FAT3: variants seen among roughly 807,000 people sequenced by gnomAD.
FAT3 encodes protocadherin Fat 3.
A neutral mutation model predicts 310.2 loss-of-function variants in FAT3; 95 were observed. The observed-to-expected ratio is 0.31, with a 90% CI of 0.26 to 0.36. The LOEUF is 0.36. Among genes scored for constraint, FAT3 ranks in the 10% least tolerant of loss-of-function variants. The pLI is 1.00. For missense variants in FAT3, 5,408 were observed against 5,715.6 expected (o/e 0.95, Z 1.74); for synonymous variants, 2,314 against 2,192.9 (o/e 1.06, Z -1.54).
intron 1 of FAT3, among the ~76,000 whole-genome samples, chr11:92,305,858 G>A (rs1947103955): frequency 6.6e-6 from 1 of 152,134 alleles, no homozygotes; most frequent in Admixed American, 6.6e-5. Context: ...GTGAGTTCCT[G>A]AATTGAATTC....
intron 2 of FAT3, among the ~76,000 whole-genome samples, chr11:92,487,218 C>G (rs1055341757): frequency 6.6e-5 from 10 of 152,094 alleles, no homozygotes; most frequent in Middle Eastern, 6.8e-3. Context: ...GGAGGGTAAT[C>G]CATGCCTTCC....
At chr11:92,270,253 G>C (rs1309985277) in intron 1 of FAT3, among the ~76,000 whole-genome samples, 1 of 151,956 alleles carries the variant, frequency 6.6e-6, no homozygotes, top group Non-Finnish European at 1.5e-5. Flanking sequence ...TTCTTTCTCA[G>C]TCTCCTTTAT....
intron 1 of FAT3, among the ~76,000 whole-genome samples, chr11:92,351,602 A>G (rs1451352462): frequency 6.6e-6 from 1 of 152,072 alleles, no homozygotes; most frequent in East Asian, 1.9e-4. Flanking sequence ...ACTGCATAAT[A>G]TTTTATTTTA....
chr11:92,376,880 C>T (rs1244932183), intron 2 of FAT3, among the ~76,000 whole-genome samples: 1 of 152,132 alleles, frequency 6.6e-6, no homozygotes, highest in Non-Finnish European at 1.5e-5. Flanking sequence ...TGCTGAATTT[C>T]CATGAGTAAG....
intron 2 of FAT3, among the ~76,000 whole-genome samples, chr11:92,384,188 G>A (rs1949566528): frequency 6.6e-6 from 1 of 152,100 alleles, no homozygotes; most frequent in African/African-American, 2.4e-5. Flanking sequence ...TGGGAGCAGT[G>A]CAGAGAGGGG....
At chr11:92,836,732 C>A in intron 16 of FAT3, 29 bp downstream of exon 16, 1 of 1,600,210 alleles carries the variant, frequency 6.2e-7, no homozygotes, top group Non-Finnish European at 8.5e-7. Context: ...GTTTCCTTCC[C>A]ATCCACATCC....
intron 2 of FAT3, among the ~76,000 whole-genome samples, chr11:92,488,504 A>T (rs1400361764): frequency 9.7e-6 from 1 of 103,288 alleles, no homozygotes; most frequent in African/African-American, 3.8e-5. Flanking sequence ...TAGACCTGGC[A>T]CAATAATTTG....
At chr11:92,576,165 A>G (rs954555843) in intron 3 of FAT3, among the ~76,000 whole-genome samples, 2 of 152,162 alleles carry the variant, frequency 1.3e-5, no homozygotes, top group Non-Finnish European at 2.9e-5. Flanking sequence ...ATAAAGGCTA[A>G]ACCCGAAGCA....
At chr11:92,255,341 TAAAAA>T (rs201587803) in intron 1 of FAT3, among the ~76,000 whole-genome samples, 4 of 144,432 alleles carry the variant, frequency 2.8e-5, no homozygotes, top group South Asian at 2.2e-4. Context: ...GGTTTTTTTT[TAAAAA>T]AAAAAAAAAG....
At chr11:92,553,673 G>C (rs1790302) in intron 3 of FAT3, among the ~76,000 whole-genome samples, 85 of 17,216 alleles carry the variant, frequency 4.9e-3, no homozygotes, top group South Asian at 0.014. Context: ...TAGAATCTCC[G>C]TCCCTTCCTT....
intron 3 of FAT3, among the ~76,000 whole-genome samples, chr11:92,547,579 G>A (rs917946764): frequency 6.6e-6 from 1 of 152,116 alleles, no homozygotes; most frequent in African/African-American, 2.4e-5. Flanking sequence ...CTGAGTACCA[G>A]CACGAGGTAG....
intron 2 of FAT3, among the ~76,000 whole-genome samples, chr11:92,403,023 C>T (rs1950056149): frequency 6.6e-6 from 1 of 152,124 alleles, no homozygotes; most frequent in Admixed American, 6.5e-5. Flanking sequence ...CCAACCATGC[C>T]TCCTTCACTA....
chr11:92,227,142 A>G lies in FAT3; in HGVS notation c.-18+1968A>G, dbSNP rs567400168. On this transcript the variant is annotated intron_variant, in intron 1 of 27. Transcript: ENST00000525166. Reference sequence around the variant, plus strand: ...CCTGTGCGTGGGTCCTTAATGTTTAAAAGATACACATGAACAGCAACAAAA... The same window carrying G: ...CCTGTGCGTGGGTCCTTAATGTTTAGAAGATACACATGAACAGCAACAAAA... Among the ~76,000 whole-genome samples, 343 of 152,246 alleles carry G rather than the reference A, an allele frequency of 2.3e-3. 1 individual carries two copies. The highest frequency in any genetic ancestry group is 2.7e-3 in the Non-Finnish European group (182 of 68,014).
chr11:92,802,317 C>T (rs1011187923), intron 10 of FAT3, among the ~76,000 whole-genome samples: 4 of 152,172 alleles, frequency 2.6e-5, no homozygotes, highest in Admixed American at 1.3e-4. Context: ...CAGTAAGCTT[C>T]ACATGCACAC....
chr11:92,396,686 G>T (rs1949877160), intron 2 of FAT3, among the ~76,000 whole-genome samples: 1 of 152,126 alleles, frequency 6.6e-6, no homozygotes, highest in African/African-American at 2.4e-5. Flanking sequence ...TCACTAAGTT[G>T]TGTTTTGTTG....
intron 1 of FAT3, among the ~76,000 whole-genome samples, chr11:92,289,500 T>TACACACACACACAC (rs10562084): frequency 1.6e-4 from 23 of 144,338 alleles, no homozygotes; most frequent in East Asian, 4.2e-4. Context: ...CCATGATAGA[T>TACACACACACACAC]ACACACACAC....
intron 2 of FAT3, among the ~76,000 whole-genome samples, chr11:92,496,664 GCAGTGGTGGGGA>G (rs1952775973): frequency 1.3e-5 from 2 of 152,150 alleles, no homozygotes; most frequent in Admixed American, 1.3e-4. Flanking sequence ...TGTCTCTAGG[GCAGTGGTGGGGA>G]CACTGTGGAC....
chr11:92,822,013 AT>A (rs899615331), intron 13 of FAT3, among the ~76,000 whole-genome samples: 15 of 150,108 alleles, frequency 1.0e-4, no homozygotes, highest in East Asian at 5.9e-4. Flanking sequence ...AGAGCTGGAC[AT>A]TTTTTTTTTC....
chr11:92,478,538 C>T (rs1030239001), intron 2 of FAT3, among the ~76,000 whole-genome samples: 19 of 151,812 alleles, frequency 1.3e-4, no homozygotes, highest in African/African-American at 4.6e-4. Context: ...GGGCATTGTC[C>T]TCATATATTA....
Sources: allele counts gnomAD v4.1 joint callset (sites outside exome capture counted in the v4.1 genomes callset), GRCh38; gene constraint gnomAD v4.1.1; transcripts MANE v1.5; gene names NCBI Gene and HGNC (gene_info 2026-07-23, HGNC 2026-07-21).